The following NTM variants were observed in gnomAD, a reference collection of about 807,000 sequenced individuals.
NTM encodes IgLON family member 2.
In NTM, 13 loss-of-function variants were observed where a neutral mutation model predicts 42.1. That is an observed-to-expected ratio of 0.31 (90% CI 0.20 to 0.49). NTM has a LOEUF of 0.49. NTM is among the 20% of genes least tolerant of loss of function. The probability of loss-of-function intolerance (pLI) is 0.99; values close to 1 mark genes in which losing one functional copy is unlikely to be tolerated. For missense variants in NTM, 373 were observed against 452.8 expected (o/e 0.82, Z 1.60); for synonymous variants, 187 against 179.2 (o/e 1.04, Z -0.35).
In NTM at chr11:131,424,600, C is replaced by CTTTTCTTTTTTTTTTTTT. The variant is rs1555108116; in HGVS notation, c.82+53716_82+53717insCTTTTTTTTTTTTTTTTT. Among the ~76,000 whole-genome samples the CTTTTCTTTTTTTTTTTTT allele has an allele frequency of 1.1e-3, 59 of 56,034 alleles. 5 individuals are homozygous for CTTTTCTTTTTTTTTTTTT. The highest frequency in any genetic ancestry group is 2.0e-3 in the African/African-American group (27 of 13,756). The allele number at this position is 56,034 out of a possible 152,430, so 36.8% of individuals were successfully genotyped here. ...AGTTGTTTTTTATTTCTTTTCTTTT[C>CTTTTCTTTTTTTTTTTTT]TTTTTTTTTTTTTTTTTTGGCGCAA... On this transcript the variant is annotated intron_variant, in intron 1 of 8. Coordinates refer to ENST00000683400, the MANE Select transcript of NTM (RefSeq NM_001352005.2).
rs10598969 is a variant in NTM at position 132,041,231 on chromosome 11, TAGAG to T, written c.168-105027_168-105024del. On this transcript the variant is annotated intron_variant, in intron 2 of 8. Transcript: ENST00000683400. ...TGTGTGAGAGAGAGAGAGAGATAGA[TAGAG>T]AGAGAGAGAGAGAGAGAGAGAGAAA... is the stretch of plus-strand genomic sequence containing the variant. Among the ~76,000 whole-genome samples, 528 of 145,084 alleles carry T rather than the reference TAGAG, an allele frequency of 3.6e-3. 3 individuals are homozygous for T. Among genetic ancestry groups the T allele is most frequent in the South Asian group, 0.012 (53 of 4,514 alleles).
intron 1 of NTM, among the ~76,000 whole-genome samples, chr11:131,873,626 T>TATATATATACACATATATATATAC (rs2048102566): frequency 1.2e-5 from 1 of 83,718 alleles, no homozygotes; most frequent in Non-Finnish European, 2.2e-5. Context: ...TATATATACA[T>TATATATATACACATATATATATAC]ATATATATAC....
At chr11:132,124,033 A>G (rs533485200) in intron 2 of NTM, among the ~76,000 whole-genome samples, 117 of 152,264 alleles carry the variant, frequency 7.7e-4, no homozygotes, top group African/African-American at 2.5e-3. Context: ...CCTTGCAGGT[A>G]AAGTGGAGAT....
At chr11:132,092,995 C>T (rs2060544709) in intron 2 of NTM, among the ~76,000 whole-genome samples, 1 of 152,198 alleles carries the variant, frequency 6.6e-6, no homozygotes, top group South Asian at 2.1e-4. Context: ...AATTCATTCT[C>T]CATGCTGCAG....
chr11:132,165,724 G>A (rs567929985), intron 3 of NTM, among the ~76,000 whole-genome samples: 1 of 152,264 alleles, frequency 6.6e-6, no homozygotes, highest in East Asian at 1.9e-4. Flanking sequence ...CGACTGTGGG[G>A]CTGTTCCATC....
intron 2 of NTM, among the ~76,000 whole-genome samples, chr11:132,074,695 T>C (rs550882800): frequency 3.2e-4 from 48 of 152,196 alleles, no homozygotes; most frequent in African/African-American, 1.2e-3. Flanking sequence ...GATAAATGGA[T>C]AAAGAAAATG....
At chr11:132,067,506 G>A (rs540131955) in intron 2 of NTM, among the ~76,000 whole-genome samples, 3 of 152,180 alleles carry the variant, frequency 2.0e-5, no homozygotes, top group Non-Finnish European at 4.4e-5. Context: ...CTGTTCACTT[G>A]TTGACCTGTG....
At chr11:132,041,145 C>T (rs984384351) in intron 2 of NTM, among the ~76,000 whole-genome samples, 3 of 151,892 alleles carry the variant, frequency 2.0e-5, no homozygotes, top group African/African-American at 2.4e-5. Flanking sequence ...GTGAAATACA[C>T]GTATCACCTG....
intron 4 of NTM, among the ~76,000 whole-genome samples, chr11:132,241,860 C>T (rs749624666): frequency 6.6e-6 from 1 of 152,214 alleles, no homozygotes; most frequent in African/African-American, 2.4e-5. Context: ...ATTGCCCATA[C>T]ACAGTACAAT....
chr11:131,888,074 G>A (rs554373659), intron 1 of NTM, among the ~76,000 whole-genome samples: 1 of 152,152 alleles, frequency 6.6e-6, no homozygotes, highest in Non-Finnish European at 1.5e-5. Context: ...GCCAAGCTGG[G>A]TGGATAACCT....
intron 2 of NTM, among the ~76,000 whole-genome samples, chr11:131,940,320 G>C (rs2059660888): frequency 6.6e-6 from 1 of 152,134 alleles, no homozygotes; most frequent in African/African-American, 2.4e-5. Context: ...AATATTATCA[G>C]CTCCTCCCAG....
chr11:131,905,275 C>T (rs905124656), intron 1 of NTM, among the ~76,000 whole-genome samples: 1 of 152,178 alleles, frequency 6.6e-6, no homozygotes, highest in Non-Finnish European at 1.5e-5. Context: ...GAGTCTAAAA[C>T]CCAAGGTCAC....
At chr11:131,376,814 A>G (rs1209211936) in intron 1 of NTM, among the ~76,000 whole-genome samples, 2 of 152,180 alleles carry the variant, frequency 1.3e-5, no homozygotes, top group Non-Finnish European at 2.9e-5. Context: ...AAGCGCCACC[A>G]AACTCTCACC....
At chr11:131,675,521 C>G (rs940848219) in intron 1 of NTM, among the ~76,000 whole-genome samples, 2 of 152,162 alleles carry the variant, frequency 1.3e-5, no homozygotes, top group African/African-American at 4.8e-5. Context: ...TCTTTCATTT[C>G]TCATGACAGC....
chr11:132,162,219 TTG>T (rs2074438137), intron 3 of NTM, among the ~76,000 whole-genome samples: 2 of 124,068 alleles, frequency 1.6e-5, no homozygotes, highest in African/African-American at 6.6e-5. Flanking sequence ...GTGTATGTGT[TTG>T]TGTGTTTATG....
chr11:131,395,325 T>G (rs1194434366), intron 1 of NTM, among the ~76,000 whole-genome samples: 1 of 152,240 alleles, frequency 6.6e-6, no homozygotes, highest in African/African-American at 2.4e-5. Flanking sequence ...ATTGCTTTTA[T>G]AGCTTTTGAG....
intron 1 of NTM, among the ~76,000 whole-genome samples, chr11:131,677,777 T>A (rs74938995): frequency 1.9e-3 from 295 of 152,320 alleles, no homozygotes; most frequent in African/African-American, 6.6e-3. Context: ...TCAGGAAATG[T>A]CAGGACTGAA....
chr11:131,907,623 G>A (rs893044095), intron 1 of NTM, among the ~76,000 whole-genome samples: 2 of 152,166 alleles, frequency 1.3e-5, no homozygotes, highest in Non-Finnish European at 2.9e-5. Context: ...GTGTATGCAC[G>A]AAGGAAGGGA....
At chr11:132,267,898 A>AT (rs2093287330) in intron 4 of NTM, among the ~76,000 whole-genome samples, 1 of 152,046 alleles carries the variant, frequency 6.6e-6, no homozygotes, top group Admixed American at 6.6e-5. Flanking sequence ...TATCATATCC[A>AT]TGAAACTTTC....
Sources: gnomAD v4.1 joint callset for allele counts (sites outside exome capture counted in the v4.1 genomes callset) on GRCh38, gnomAD v4.1.1 for gene constraint, MANE v1.5 for transcripts, NCBI Gene and HGNC (gene_info 2026-07-23, HGNC 2026-07-21) for gene names.